Variants in THRAP3 observed in about 807,000 individuals in gnomAD.
The protein encoded by THRAP3 is thyroid hormone receptor-associated protein 3.
A neutral mutation model predicts 101.0 loss-of-function variants in THRAP3; 16 were observed. The ratio of observed to expected loss-of-function variants is 0.16; its 90% CI spans 0.11 to 0.24. The LOEUF is 0.24. Ranked by LOEUF, THRAP3 falls within the 10% of genes least tolerant of loss-of-function variation. The pLI is 1.00. For missense variants in THRAP3, 989 were observed against 1,202.7 expected, an observed-to-expected ratio of 0.82 and a Z score of 2.63; for synonymous variants, 407 against 422.6, an observed-to-expected ratio of 0.96 and a Z score of 0.45.
At chr1:36,300,210 C>A (rs914299616) in intron 9 of THRAP3, among the ~76,000 whole-genome samples, 1 of 152,154 alleles carries the variant, frequency 6.6e-6, no homozygotes, top group Non-Finnish European at 1.5e-5. Context: ...GGGAGAGTTG[C>A]GCCAGATCCT....
intron 2 of THRAP3, among the ~76,000 whole-genome samples, chr1:36,276,782 G>A (rs1645666197): frequency 1.3e-5 from 2 of 151,566 alleles, no homozygotes; most frequent in Admixed American, 1.3e-4. Flanking sequence ...ACTTGAACCG[G>A]GGAGGTGGAG....
At position 36,261,700 on chromosome 1, in the gene THRAP3, G is replaced by T. The variant is rs1459210374; in HGVS notation, c.-32+2216G>T. ...GAGGTGGAGTTGGTGTCTCTAGATA[G>T]CTTCGAGTAGTATTTTAAATAATTT... On this transcript the variant is annotated intron_variant, in intron 2 of 11. Coordinates refer to ENST00000354618, the MANE Select transcript of THRAP3 (RefSeq NM_005119.4). Among the ~76,000 whole-genome samples, 4 of 152,280 alleles carry T rather than the reference G, an allele frequency of 2.6e-5. No individual in the cohort carries two copies. In the South Asian group the frequency reaches 8.3e-4, roughly 32 times the overall value.
chr1:36,292,797 C>G, intron 7 of THRAP3, 88 bp downstream of exon 7: 1 of 963,486 alleles, frequency 1.0e-6, no homozygotes, highest in Non-Finnish European at 1.6e-6. Context: ...GCTGCTAATG[C>G]ACCTTTAATA....
In THRAP3 at chr1:36,287,253, A is replaced by T; in HGVS notation, c.1023A>T (p.Gly341=). The T allele has an allele frequency of 6.2e-7, 1 of 1,609,658 alleles. No homozygotes were observed. The highest frequency in any genetic ancestry group is 2.2e-5 in the East Asian group (1 of 44,818). ...AGGAGGAGAGTGCTGCTTCAGGAGG[A>T]GCAGCCTATACAAAGAGGCAAGTAT... is the stretch of plus-strand genomic sequence containing the variant. ...SQKEESAASG[G]AAYTKRYLEE... Residue 341 remains glycine (G), a synonymous_variant, in exon 4 of 12, where the codon GGA becomes GGT. Transcript: ENST00000354618.
At chr1:36,225,847 T>A (rs1300264608) in intron 1 of THRAP3, among the ~76,000 whole-genome samples, 1 of 152,268 alleles carries the variant, frequency 6.6e-6, no homozygotes, top group Non-Finnish European at 1.5e-5. Context: ...TAAGTTTTAC[T>A]GCAGCCATTT....
At chr1:36,238,069 G>A (rs1367213533) in intron 1 of THRAP3, among the ~76,000 whole-genome samples, 1 of 151,990 alleles carries the variant, frequency 6.6e-6, no homozygotes, top group Non-Finnish European at 1.5e-5. Context: ...TCCTGACCTC[G>A]TGATCCACTC....
chr1:36,226,017 G>A (rs1644958108), intron 1 of THRAP3, among the ~76,000 whole-genome samples: 1 of 152,052 alleles, frequency 6.6e-6, no homozygotes, highest in Non-Finnish European at 1.5e-5. Context: ...TTTTAGTTTT[G>A]TAGACTAGGT....
chr1:36,232,252 C>T (rs923715273), intron 1 of THRAP3, among the ~76,000 whole-genome samples: 1 of 152,044 alleles, frequency 6.6e-6, no homozygotes, highest in Admixed American at 6.6e-5. Flanking sequence ...ATAAGAAATT[C>T]TTGTTTCAGG....
intron 1 of THRAP3, among the ~76,000 whole-genome samples, chr1:36,236,463 C>A (rs952132281): frequency 6.6e-6 from 1 of 151,764 alleles, no homozygotes; most frequent in African/African-American, 2.4e-5. Flanking sequence ...CTTCCTTCTT[C>A]CCCCTTTCCT....
rs768748683 is a variant in THRAP3, at chr1:36,287,106, G to T, written c.876G>T (p.Gly292=). ...QMGSTLPSGA[G]YQSGTHQGQF... ...GCTCAACTCTGCCGAGTGGTGCCGGGTATCAGTCTGGGACACACCAAGGTC... is the reference window on the plus strand; with the variant it reads ...GCTCAACTCTGCCGAGTGGTGCCGGTTATCAGTCTGGGACACACCAAGGTC... The change falls in exon 4 of 12, where the codon GGG becomes GGT. Residue 292 remains glycine (G), a synonymous_variant. Coordinates refer to ENST00000354618, the MANE Select transcript of THRAP3 (RefSeq NM_005119.4). The T allele has an allele frequency of 1.2e-6, 2 of 1,614,014 alleles. No homozygotes were observed. Among genetic ancestry groups the T allele is most frequent in the Non-Finnish European group, 1.7e-6 (2 of 1,180,038 alleles).
At chr1:36,225,271 TG>T (rs1644948950) in intron 1 of THRAP3, 1 of 152,184 alleles carries the variant, frequency 6.6e-6, no homozygotes, top group Non-Finnish European at 1.5e-5. Flanking sequence ...ATTTGTTACT[TG>T]GGGTGAAGGG....
chr1:36,236,836 A>C (rs999693799), intron 1 of THRAP3, among the ~76,000 whole-genome samples: 1 of 152,138 alleles, frequency 6.6e-6, no homozygotes, highest in African/African-American at 2.4e-5. Flanking sequence ...ATTTTACTGA[A>C]CCTCTTAGCT....
chr1:36,210,720 T>TCTC, the THRAP3 span, among the ~76,000 whole-genome samples: 1 of 9,304 alleles, frequency 1.1e-4, no homozygotes, highest in African/African-American at 6.0e-4. Context: ...TATATATATA[T>TCTC]ATATATATAT....
intron 1 of THRAP3, among the ~76,000 whole-genome samples, chr1:36,256,978 G>A (rs550418262): frequency 1.7e-3 from 264 of 152,146 alleles, no homozygotes; most frequent in African/African-American, 6.2e-3. Flanking sequence ...TGTGTTTTTA[G>A]TAAAGACGGG....
intron 2 of THRAP3, among the ~76,000 whole-genome samples, chr1:36,278,941 TAAAAA>T (rs1645697941): frequency 6.6e-6 from 1 of 151,562 alleles, no homozygotes; most frequent in African/African-American, 2.4e-5. Flanking sequence ...AATAAATAAA[TAAAAA>T]TAAAATAAAA....
intron 1 of THRAP3, chr1:36,225,146 A>G (rs552008370): frequency 6.6e-6 from 1 of 152,320 alleles, no homozygotes; most frequent in South Asian, 2.1e-4. Flanking sequence ...ACTTTTATCA[A>G]CTGTTGTCTT....
upstream of THRAP3, chr1:36,224,278 C>T (rs1177854932): frequency 6.6e-6 from 1 of 152,336 alleles, no homozygotes; most frequent in East Asian, 1.9e-4. Flanking sequence ...GCGCGTGACG[C>T]AAAGCGGCGG....
chr1:36,284,548 C>G (rs1442476412), intron 3 of THRAP3, among the ~76,000 whole-genome samples: 1 of 152,206 alleles, frequency 6.6e-6, no homozygotes, highest in African/African-American at 2.4e-5. Flanking sequence ...GAAACCATGC[C>G]TTTAAATTAA....
intron 2 of THRAP3, among the ~76,000 whole-genome samples, chr1:36,274,453 G>C (rs911823444): frequency 2.6e-5 from 4 of 151,988 alleles, no homozygotes; most frequent in African/African-American, 7.2e-5. Context: ...ACCTAGAATA[G>C]CCAAAACTAT....
Sources: allele counts gnomAD v4.1 joint callset (sites outside exome capture counted in the v4.1 genomes callset), GRCh38; gene constraint gnomAD v4.1.1; transcripts MANE v1.5; gene names NCBI Gene and HGNC (gene_info 2026-07-23, HGNC 2026-07-21).